USH2A: variants seen among roughly 807,000 people sequenced by gnomAD.
The protein encoded by USH2A is usherin, also known as Usher syndrome 2A (autosomal recessive, mild).
Under a neutral mutation model 538.9 loss-of-function variants are expected in USH2A, and 443 were observed. The ratio of observed to expected loss-of-function variants is 0.82; its 90% CI spans 0.76 to 0.89. The LOEUF (loss-of-function observed/expected upper bound fraction) is 0.89, where lower values mean the gene tolerates loss of function less well. Among genes scored for constraint, USH2A ranks in the 40% least tolerant of loss-of-function variants. The pLI is 0.00. For synonymous variants in USH2A, 2,413 were observed against 2,273.5 expected (o/e 1.06, Z -1.75); for missense variants, 6,633 against 6,324.8 (o/e 1.05, Z -1.65).
intron 37 of USH2A, among the ~76,000 whole-genome samples, chr1:215,950,506 T>C (rs1053398061): frequency 2.0e-5 from 1 of 50,950 alleles, no homozygotes; most frequent in Non-Finnish European, 4.2e-5. Flanking sequence ...ATTGCTACCT[T>C]TTTTTTTTTT....
Position 215,816,967 on chromosome 1 carries a change from TG to T in USH2A, c.9570+29del, listed in dbSNP as rs956157915. On this transcript the variant is annotated intron_variant, in intron 48 of 71. Transcript: ENST00000307340. ...CTTGGAGTCTTGAGTGAGAAAAACATGGTTCACTGATTAGTTAGAAAAGACT... is the reference window on the plus strand; with the variant it reads ...CTTGGAGTCTTGAGTGAGAAAAACATGTTCACTGATTAGTTAGAAAAGACT... 6.8e-6 allele frequency: 11 copies of T among 1,608,268 alleles called. No individual in the cohort carries two copies. In the African/African-American group the frequency reaches 1.1e-4, roughly 16 times the overall value.
chr1:216,362,609 G>T (rs2038514064), intron 4 of USH2A, among the ~76,000 whole-genome samples: 2 of 151,962 alleles, frequency 1.3e-5, no homozygotes, highest in Non-Finnish European at 1.5e-5. Flanking sequence ...CAACTTCTAT[G>T]AATTTATTTT....
intron 30 of USH2A, among the ~76,000 whole-genome samples, chr1:216,061,763 ACC>A (rs2031191471): frequency 6.6e-6 from 1 of 152,202 alleles, no homozygotes; most frequent in African/African-American, 2.4e-5. Flanking sequence ...CTAAAACGAG[ACC>A]AGGCAGAGAC....
intron 38 of USH2A, among the ~76,000 whole-genome samples, chr1:215,926,230 A>G (rs1002589202): frequency 7.7e-6 from 1 of 129,332 alleles, no homozygotes; most frequent in Admixed American, 7.8e-5. Context: ...AAAAAAAAAA[A>G]AAATACCATT....
At chr1:216,395,358 T>C (rs1255077567) in intron 3 of USH2A, among the ~76,000 whole-genome samples, 1 of 152,218 alleles carries the variant, frequency 6.6e-6, no homozygotes, top group Non-Finnish European at 1.5e-5. Flanking sequence ...ATATATTTTA[T>C]CTTTGAAATT....
intron 30 of USH2A, among the ~76,000 whole-genome samples, chr1:216,049,236 T>G (rs2102527241): frequency 6.6e-6 from 1 of 152,328 alleles, no homozygotes; most frequent in African/African-American, 2.4e-5. Flanking sequence ...ATAATTATGC[T>G]TTTGTACTTC....
chr1:215,855,132 A>G (rs531826951), intron 44 of USH2A, among the ~76,000 whole-genome samples: 20 of 152,314 alleles, frequency 1.3e-4, no homozygotes, highest in African/African-American at 4.1e-4. Flanking sequence ...AGCCAAAGCA[A>G]TCAGACAAGA....
intron 9 of USH2A, among the ~76,000 whole-genome samples, chr1:216,321,310 C>T (rs1421480918): frequency 1.3e-5 from 2 of 152,058 alleles, no homozygotes; most frequent in African/African-American, 4.8e-5. Context: ...ACCTCTTTTC[C>T]CTAAAGATGA....
intron 37 of USH2A, among the ~76,000 whole-genome samples, chr1:215,962,495 C>T (rs1352472752): frequency 1.3e-5 from 2 of 151,780 alleles, no homozygotes; most frequent in East Asian, 3.9e-4. Context: ...TGAGGAAGCT[C>T]GTTAGGAATT....
Position 216,148,188 on chromosome 1 carries a change from T to C in USH2A, c.4627+27064A>G, listed in dbSNP as rs546365007. Among the ~76,000 whole-genome samples the C allele has an allele frequency of 4.6e-5, 7 of 151,978 alleles. No homozygotes were observed. In the East Asian group the frequency reaches 1.2e-3, roughly 25 times the overall value. Reference sequence around the variant, plus strand: ...GTTTCCCTTGCCTCCATAACTGTTGTGGGTATTGATGGCCAGGCTTCTAAA... The same window carrying C: ...GTTTCCCTTGCCTCCATAACTGTTGCGGGTATTGATGGCCAGGCTTCTAAA... On this transcript the variant is annotated intron_variant, in intron 21 of 71. Transcript: ENST00000307340.
intron 17 of USH2A, among the ~76,000 whole-genome samples, chr1:216,199,179 G>A (rs921836110): frequency 1.3e-5 from 2 of 152,128 alleles, no homozygotes; most frequent in Admixed American, 1.3e-4. Context: ...GGGTTCAAAT[G>A]CATGAATGCA....
chr1:216,216,075 A>T (rs1312504419), intron 15 of USH2A, among the ~76,000 whole-genome samples: 1 of 152,148 alleles, frequency 6.6e-6, no homozygotes, highest in African/African-American at 2.4e-5. Context: ...ATGACGATCC[A>T]TAACTCATAT....
In USH2A at chr1:215,650,405, CT is replaced by C. The variant is rs563105741; in HGVS notation, c.14343+186del. Reference sequence around the variant, plus strand: ...CTCTCCCTAAGAGTTTACATACTTTCTGTATGTTTCCTCAGGGTTCACTTTT... The same window carrying C: ...CTCTCCCTAAGAGTTTACATACTTTCGTATGTTTCCTCAGGGTTCACTTTT... On this transcript the variant is annotated intron_variant, in intron 65 of 71. Coordinates refer to ENST00000307340, the MANE Select transcript of USH2A (RefSeq NM_206933.4). Among the ~76,000 whole-genome samples the C allele has an allele frequency of 9.9e-5, 15 of 152,220 alleles. No individual in the cohort carries two copies. In the East Asian group the frequency reaches 2.9e-3, roughly 29 times the overall value.
intron 61 of USH2A, among the ~76,000 whole-genome samples, chr1:215,709,122 A>G (rs114322592): frequency 0.02 from 2,999 of 152,282 alleles, 94 homozygotes; most frequent in African/African-American, 0.069. Context: ...AAGTGTCAAC[A>G]AAATTTTGAA....
chr1:216,366,327 T>C (rs1463042023), intron 3 of USH2A, among the ~76,000 whole-genome samples: 2 of 152,016 alleles, frequency 1.3e-5, no homozygotes, highest in African/African-American at 2.4e-5. Context: ...GATGTATCAG[T>C]GTAGGTCCGG....
chr1:216,242,776 A>G (rs2035963458), intron 13 of USH2A, among the ~76,000 whole-genome samples: 1 of 152,162 alleles, frequency 6.6e-6, no homozygotes, highest in Admixed American at 6.5e-5. Context: ...CCTCGATAAT[A>G]TCTTAAACTC....
Position 216,076,626 on chromosome 1 carries a change from A to T in USH2A, c.5572+1463T>A, listed in dbSNP as rs191100678. Among the ~76,000 whole-genome samples the T allele has an allele frequency of 4.3e-3, 662 of 152,208 alleles. 4 individuals are homozygous for T. Among genetic ancestry groups the T allele is most frequent in the Non-Finnish European group, 4.3e-3 (294 of 68,006 alleles). ...AACCTGAAAACCTGGAGAAGCTCTT[A>T]TATGAATGTAATATTTTTAGCTGCT... On this transcript the variant is annotated intron_variant, in intron 27 of 71. Transcript: ENST00000307340.
chr1:216,050,560 T>TTTC (rs1553294759), intron 30 of USH2A, among the ~76,000 whole-genome samples: 1 of 35,704 alleles, frequency 2.8e-5, no homozygotes, highest in African/African-American at 7.4e-5. Flanking sequence ...ATTTGTATCT[T>TTTC]TTTCTTTCTT....
Position 215,675,767 on chromosome 1 carries a change from T to A in USH2A, c.12295-151A>T. On this transcript the variant is annotated intron_variant, in intron 62 of 71. Transcript: ENST00000307340. ...TCTGATATTAATTGGGGATATGTGATTTTTTTCAGTTAACATAAGGCCCAC... is the reference window on the plus strand; with the variant it reads ...TCTGATATTAATTGGGGATATGTGAATTTTTTCAGTTAACATAAGGCCCAC... 2.1e-6 allele frequency: 3 copies of A among 1,448,268 alleles called. No individual in the cohort carries two copies. In the East Asian group the frequency reaches 7.4e-5, roughly 35 times the overall value. 89.7% of individuals were successfully genotyped at this position (1,448,268 alleles called of 1,614,324 possible).
Sources: allele counts gnomAD v4.1 joint callset (sites outside exome capture counted in the v4.1 genomes callset), GRCh38; gene constraint gnomAD v4.1.1; transcripts MANE v1.5; gene names NCBI Gene and HGNC (gene_info 2026-07-23, HGNC 2026-07-21).